Variants in ZPBP2 observed in about 807,000 individuals in gnomAD.
ZPBP2 encodes the protein zona pellucida binding protein 2.
Under a neutral mutation model 37.5 loss-of-function variants are expected in ZPBP2, and 34 were observed. That is an observed-to-expected ratio of 0.91 (90% CI 0.69 to 1.21). ZPBP2 has a LOEUF of 1.21. Among genes scored for constraint, ZPBP2 ranks in the 50% most tolerant of loss-of-function variants. The pLI is 0.00. For synonymous variants in ZPBP2, 143 were observed against 138.4 expected (o/e 1.03, Z -0.23); for missense variants, 397 against 413.5 (o/e 0.96, Z 0.35).
chr17:39,875,954 TGTGC>T (rs2063388910), intron 7 of ZPBP2, among the ~76,000 whole-genome samples: 1 of 51,292 alleles, frequency 1.9e-5, no homozygotes, highest in Non-Finnish European at 5.1e-5. Context: ...TGCAGTGCAG[TGTGC>T]AGTGTGGCGC....
chr17:39,873,936 C>T (rs1385547494), intron 6 of ZPBP2, among the ~76,000 whole-genome samples: 1 of 151,780 alleles, frequency 6.6e-6, no homozygotes, highest in Non-Finnish European at 1.5e-5. Flanking sequence ...TGCTCAAAAA[C>T]CCAAAATTTA....
In ZPBP2 at chr17:39,872,452, C is replaced by T. The variant is rs142669922; in HGVS notation, c.589C>T (p.His197Tyr). 5.8e-5 allele frequency: 94 copies of T among 1,612,504 alleles called. No homozygotes were observed. The African/African-American group carries it at 1.2e-3, about 20-fold the overall frequency. The part of the protein sequence containing the change: ...YKCHSVEIPE[H>Y]GLIHELFIAF... Reference sequence around the variant, plus strand: ...ATGCCATTCTGTTGAAATTCCAGAACATGGCCTCATACATGAGCTATTTAT... The same window carrying T: ...ATGCCATTCTGTTGAAATTCCAGAATATGGCCTCATACATGAGCTATTTAT... The change falls in exon 5 of 8, where the codon CAT becomes TAT. Residue 197 changes from histidine (H) to tyrosine (Y), a missense_variant. Transcript: ENST00000348931.
At chr17:39,873,714 C>T (rs1598263554) in intron 6 of ZPBP2, among the ~76,000 whole-genome samples, 1 of 152,108 alleles carries the variant, frequency 6.6e-6, no homozygotes, top group East Asian at 1.9e-4. Context: ...ACTTCACAAA[C>T]ATGTCACCCT....
At chr17:39,873,356 A>G (rs192101212) in intron 6 of ZPBP2, among the ~76,000 whole-genome samples, 89 of 152,242 alleles carry the variant, frequency 5.8e-4, no homozygotes, top group African/African-American at 2.1e-3. Context: ...TTAAAAACCT[A>G]TTTCTCCATC....
intron 7 of ZPBP2, among the ~76,000 whole-genome samples, chr17:39,876,451 G>T (rs970326164): frequency 6.6e-6 from 1 of 151,808 alleles, no homozygotes; most frequent in African/African-American, 2.4e-5. Context: ...GATAGTAAAA[G>T]AAAAAATAGG....
intron 3 of ZPBP2, 96 bp downstream of exon 3, chr17:39,870,915 T>A: frequency 9.1e-7 from 1 of 1,103,112 alleles, no homozygotes; most frequent in Non-Finnish European, 1.2e-6. Context: ...AAATTTAATT[T>A]TAATGGCAGT....
At chr17:39,869,864 C>A (rs963249188) in intron 2 of ZPBP2, among the ~76,000 whole-genome samples, 4 of 151,384 alleles carry the variant, frequency 2.6e-5, no homozygotes, top group Admixed American at 2.0e-4. Context: ...AGGGGCCCAC[C>A]ACCATGCCTG....
chr17:39,872,350 T>G lies in ZPBP2; in HGVS notation c.487T>G (p.Phe163Val). 6.2e-7 allele frequency: 1 copy of G among 1,613,598 alleles called. No individual in the cohort carries two copies. The highest frequency in any genetic ancestry group is 1.1e-5 in the South Asian group (1 of 91,056). Residue 163 changes from phenylalanine (F) to valine (V), a missense_variant, in exon 5 of 8, where the codon TTC becomes GTC. By Grantham distance (50) the Phe-to-Val change is conservative. Coordinates refer to ENST00000348931, the MANE Select transcript of ZPBP2 (RefSeq NM_199321.3). ...RSCIGRYNDVFFRVLKKILDS... is the reference protein window; with the variant it reads ...RSCIGRYNDVVFRVLKKILDS... ...TTGTATAGGGAGATACAATGATGTA[T>G]TCTTTAGAGTGCTGAAGAAAATCTT...
rs566906969 is a variant in ZPBP2 at position 39,868,415 on chromosome 17, C to T, written c.52+9C>T. ...CTGGTGCCTCACAGGAGGTGGGGCTCCCTCCACCCGGTCCCCAGGCCTCTC... is the reference window on the plus strand; with the variant it reads ...CTGGTGCCTCACAGGAGGTGGGGCTTCCTCCACCCGGTCCCCAGGCCTCTC... On this transcript the variant is annotated intron_variant, in intron 1 of 7. Coordinates refer to ENST00000348931, the MANE Select transcript of ZPBP2 (RefSeq NM_199321.3). The T allele has an allele frequency of 1.2e-6, 2 of 1,611,074 alleles. No homozygotes were observed. Among genetic ancestry groups the T allele is most frequent in the Admixed American group, 1.7e-5 (1 of 60,030 alleles).
rs746660021 is a variant in ZPBP2, at chr17:39,871,625, G to T, written c.406G>T (p.Ala136Ser). Residue 136 changes from alanine to serine, a missense_variant and splice_region_variant, in exon 4 of 8, where the codon GCC becomes TCC. Physicochemically the swap from Ala to Ser is moderately conservative, Grantham distance 99 (BLOSUM62 1). Transcript: ENST00000348931. ...VKKRYDFMVF[A>S]YREPDYSYQM... is the part of the protein sequence containing the mutation. The stretch of plus-strand genomic sequence containing the variant: ...AAAGAGATATGACTTTATGGTCTTT[G>T]GTAAGAATTTAGGCACATTTTAACT... 1.9e-6 allele frequency: 3 copies of T among 1,549,402 alleles called. No homozygotes were observed. Among genetic ancestry groups the T allele is most frequent in the African/African-American group, 2.8e-5 (2 of 71,698 alleles).
intron 6 of ZPBP2, among the ~76,000 whole-genome samples, chr17:39,873,471 T>TTTTGGTTTCAGTTTTTTAACTGA (rs1311496890): frequency 6.6e-6 from 1 of 152,094 alleles, no homozygotes; most frequent in East Asian, 1.9e-4. Context: ...GTATTATTGA[T>TTTTGGTTTCAGTTTTTTAACTGA]TTTTGGTTTC....
intron 7 of ZPBP2, among the ~76,000 whole-genome samples, chr17:39,875,883 CTTTTTTTTTT>C (rs34192567): frequency 1.4e-3 from 88 of 63,778 alleles, no homozygotes; most frequent in African/African-American, 4.2e-3. Context: ...TGCTTGGCCC[CTTTTTTTTTT>C]TTTTTTTTTT....
chr17:39,873,399 T>G (rs1396445908), intron 6 of ZPBP2, among the ~76,000 whole-genome samples: 1 of 152,216 alleles, frequency 6.6e-6, no homozygotes, highest in Non-Finnish European at 1.5e-5. Context: ...AAATCATTTC[T>G]AAGGAGGAAA....
At chr17:39,872,942 C>T in intron 5 of ZPBP2, 102 bp from the exon 6 acceptor site, 1 of 946,608 alleles carries the variant, frequency 1.1e-6, no homozygotes, top group Non-Finnish European at 1.6e-6. Context: ...CTGGACTAAA[C>T]ATGTGCCTGC....
At chr17:39,869,561 C>T (rs1318697250) in intron 2 of ZPBP2, among the ~76,000 whole-genome samples, 2 of 148,794 alleles carry the variant, frequency 1.3e-5, no homozygotes, top group Non-Finnish European at 3.0e-5. Flanking sequence ...TGCGCCACCA[C>T]GCCTGGCTAA....
chr17:39,869,621 T>C (rs1017800927), intron 2 of ZPBP2, among the ~76,000 whole-genome samples: 2 of 151,036 alleles, frequency 1.3e-5, no homozygotes, highest in Admixed American at 1.3e-4. Context: ...GCCAGGCTGG[T>C]CTCGAACTTC....
chr17:39,868,797 G>A (rs2063348171), intron 2 of ZPBP2, among the ~76,000 whole-genome samples, 183 bp downstream of exon 2: 1 of 152,070 alleles, frequency 6.6e-6, no homozygotes, highest in African/African-American at 2.4e-5. Context: ...TCCCTATTGT[G>A]TCGCCTTGCT....
At chr17:39,874,551 C>T (rs1209205756) in intron 6 of ZPBP2, among the ~76,000 whole-genome samples, 1 of 152,016 alleles carries the variant, frequency 6.6e-6, no homozygotes, top group East Asian at 1.9e-4. Flanking sequence ...TGTGCCTCAG[C>T]TTCCCGAGTA....
intron 6 of ZPBP2, among the ~76,000 whole-genome samples, chr17:39,874,932 A>T (rs1222608793): frequency 6.6e-6 from 1 of 151,444 alleles, no homozygotes; most frequent in East Asian, 1.9e-4. Flanking sequence ...TGTATTTTTA[A>T]TAGAGATGGA....
Sources: allele counts gnomAD v4.1 joint callset (sites outside exome capture counted in the v4.1 genomes callset), GRCh38; gene constraint gnomAD v4.1.1; transcripts MANE v1.5; gene names NCBI Gene and HGNC (gene_info 2026-07-23, HGNC 2026-07-21).